The following SUGP1 variants were observed in gnomAD, a reference collection of about 807,000 sequenced individuals.
SUGP1 encodes SURP and G-patch domain containing 1.
Under a neutral mutation model 76.5 loss-of-function variants are expected in SUGP1, and 34 were observed. That is an observed-to-expected ratio of 0.44 (90% CI 0.34 to 0.59). SUGP1 has a LOEUF of 0.59. Ranked by LOEUF, SUGP1 falls within the 20% of genes least tolerant of loss-of-function variation. The pLI, the probability that SUGP1 is intolerant of heterozygous loss-of-function variation, is 0.01. For missense variants in SUGP1, 752 were observed against 851.7 expected (o/e 0.88, Z 1.46); for synonymous variants, 326 against 326.2 (o/e 1.00, Z 0.01).
intron 3 of SUGP1, among the ~76,000 whole-genome samples, chr19:19,307,390 G>T (rs1046812170): frequency 7.2e-5 from 11 of 152,072 alleles, no homozygotes; most frequent in African/African-American, 2.7e-4. Flanking sequence ...TAAATGGAAA[G>T]TGTGGAAATG....
In SUGP1 at chr19:19,316,549, T is replaced by C. The variant is rs1362582999; in HGVS notation, c.79A>G (p.Lys27Glu). 6.2e-7 allele frequency: 1 copy of C among 1,614,038 alleles called. No individual in the cohort carries two copies. The highest frequency in any genetic ancestry group is 8.5e-7 in the Non-Finnish European group (1 of 1,180,004). The change falls in exon 2 of 14, where the codon AAA (lysine) becomes GAA (glutamate). Residue 27 changes from lysine (K) to glutamate (E), a missense_variant. Physicochemically the swap from Lys to Glu is moderately conservative, Grantham distance 56 (BLOSUM62 1). Transcript: ENST00000247001. ...WFGVAPPKSG[K>E]MNMNILHQEE... ...TGGTGAAGGATGTTCATGTTCATTT[T>C]TCCAGATTTAGGGGGAGCAACCCCA...
At position 19,316,592 on chromosome 19, in the gene SUGP1, T is replaced by C. The variant is rs146678751; in HGVS notation, c.36A>G (p.Gly12=). 6.2e-7 allele frequency: 1 copy of C among 1,613,856 alleles called. No homozygotes were observed. The highest frequency in any genetic ancestry group is 1.3e-5 in the African/African-American group (1 of 75,000). The change falls in exon 2 of 14, where the codon GGA becomes GGG. Residue 12 remains glycine (G), a splice_region_variant and synonymous_variant. Coordinates refer to ENST00000247001, the MANE Select transcript of SUGP1 (RefSeq NM_172231.4). ...CAACCCCAAACCACCGGTTAGCCTTTCCTGGGGAGGGAAAAGGAGTACGTC... is the reference window on the plus strand; with the variant it reads ...CAACCCCAAACCACCGGTTAGCCTTCCCTGGGGAGGGAAAAGGAGTACGTC... ...SLKMDNRDVA[G]KANRWFGVAP... is the part of the protein sequence containing the mutation.
At chr19:19,295,090 G>A (rs747001100) in intron 8 of SUGP1, among the ~76,000 whole-genome samples, 7 of 152,066 alleles carry the variant, frequency 4.6e-5, no homozygotes, top group Non-Finnish European at 1.0e-4. Context: ...TTGAGCCCAG[G>A]AGTTCGAGAT....
In SUGP1 at chr19:19,315,573, A is replaced by G. The variant is rs371376554; in HGVS notation, c.206+849T>C. Among the ~76,000 whole-genome samples, 9 of 152,164 alleles carry G rather than the reference A, an allele frequency of 5.9e-5. No individual in the cohort carries two copies. In the East Asian group the frequency reaches 1.7e-3, roughly 29 times the overall value. ...AGCTATCATCCACCTGCCATCCACT[A>G]AGGGACAGCCCCTTTGGTACAGCAG... is the stretch of plus-strand genomic sequence containing the variant. On this transcript the variant is annotated intron_variant, in intron 2 of 13. Coordinates refer to ENST00000247001, the MANE Select transcript of SUGP1 (RefSeq NM_172231.4).
rs766509022 is a variant in SUGP1 at position 19,280,272 on chromosome 19, G to A, written c.1263C>T (p.Leu421=). Residue 421 remains leucine (L), a synonymous_variant, in exon 9 of 14, where the codon CTC becomes CTT. Transcript: ENST00000247001. ...CCACAGGCTTCCCCTTCTCATAGCC[G>A]AGCCCCTTGAGGTCCTGAACTGGAA... The part of the protein sequence containing the change: ...SPLSVQDLKG[L]GYEKGKPVGL... 1.7e-5 allele frequency: 27 copies of A among 1,613,732 alleles called. No individual in the cohort carries two copies. Among genetic ancestry groups the A allele is most frequent in the Admixed American group, 5.0e-5 (3 of 59,994 alleles).
intron 4 of SUGP1, chr19:19,305,586 G>A (rs1259646800): frequency 2.5e-6 from 1 of 394,178 alleles, no homozygotes; most frequent in Non-Finnish European, 4.6e-6. Flanking sequence ...TGGCTGGGAT[G>A]AGCCGCTGTG....
At chr19:19,284,855 G>A (rs952049853) in intron 8 of SUGP1, among the ~76,000 whole-genome samples, 2 of 151,350 alleles carry the variant, frequency 1.3e-5, no homozygotes, top group African/African-American at 4.9e-5. Flanking sequence ...GGAAAGATAT[G>A]CATGTGCTCA....
At chr19:19,286,040 T>C (rs1165448620) in intron 8 of SUGP1, among the ~76,000 whole-genome samples, 2 of 152,182 alleles carry the variant, frequency 1.3e-5, no homozygotes, top group Non-Finnish European at 2.9e-5. Context: ...AGGACAGCCA[T>C]GGTGGCTCAC....
intron 8 of SUGP1, among the ~76,000 whole-genome samples, chr19:19,291,412 T>C (rs928740199): frequency 6.6e-6 from 1 of 152,122 alleles, no homozygotes; most frequent in African/African-American, 2.4e-5. Context: ...GGAGGGGCTG[T>C]AACTAACGAC....
rs1265506044 is a variant in SUGP1 at position 19,306,034 on chromosome 19, G to T, written c.353C>A (p.Thr118Asn). The T allele has an allele frequency of 6.2e-7, 1 of 1,610,636 alleles. No individual in the cohort carries two copies. Among genetic ancestry groups the T allele is most frequent in the Admixed American group, 1.7e-5 (1 of 59,766 alleles). The part of the protein sequence containing the change: ...SAPSAPPSTP[T>N]PSAGKRSLLI... ...CAGGGACCTCTTCCCAGCGCTGGGG[G>T]TGGGTGTGCTGGGAGGGGCGCTGGG... Residue 118 changes from threonine to asparagine, a missense_variant, in exon 4 of 14, where the codon ACC becomes AAC. Physicochemically the swap from Thr to Asn is moderately conservative, Grantham distance 65 (BLOSUM62 0). Coordinates refer to ENST00000247001, the MANE Select transcript of SUGP1 (RefSeq NM_172231.4).
rs763127193 is a variant in SUGP1, at chr19:19,279,185, GCCCGGCCCAC to G, written c.1528+18_1528+27del. On this transcript the variant is annotated intron_variant, in intron 10 of 13. Transcript: ENST00000247001. ...GGTGAGGGGGGCCATGCCCAGCCCA[GCCCGGCCCAC>G]CCCGCTGCCCCACATACCCCTGGTC... 321 of 1,244,332 alleles carry G rather than the reference GCCCGGCCCAC, an allele frequency of 2.6e-4. No homozygotes were observed. Among genetic ancestry groups the G allele is most frequent in the Non-Finnish European group, 3.5e-4 (305 of 883,576 alleles). The allele number at this position is 1,244,332 out of a possible 1,614,324, so 77.1% of individuals were successfully genotyped here. A position where few individuals can be genotyped will look rare whatever the true frequency, so the allele number is the denominator to read the frequency against.
intron 13 of SUGP1, 97 bp downstream of exon 13, chr19:19,276,850 C>T: frequency 6.4e-7 from 1 of 1,572,986 alleles, no homozygotes; most frequent in Non-Finnish European, 8.6e-7. Context: ...CTGGTGAGAC[C>T]CAGCCTGGCT....
intron 2 of SUGP1, among the ~76,000 whole-genome samples, chr19:19,312,056 T>C (rs1037915097): frequency 5.3e-5 from 8 of 152,012 alleles, no homozygotes; most frequent in Non-Finnish European, 1.2e-4. Flanking sequence ...CTAGGCAATA[T>C]GGAGAAAACC....
chr19:19,318,498 A>C (rs1352429267), intron 1 of SUGP1, among the ~76,000 whole-genome samples: 1 of 151,876 alleles, frequency 6.6e-6, no homozygotes, highest in Non-Finnish European at 1.5e-5. Flanking sequence ...GCATGATCGT[A>C]GCTCACTGCA....
chr19:19,317,073 G>A (rs962518875), intron 1 of SUGP1, among the ~76,000 whole-genome samples: 3 of 151,860 alleles, frequency 2.0e-5, no homozygotes, highest in Non-Finnish European at 4.4e-5. Flanking sequence ...GGGAGGTGAA[G>A]GTTGCAGTGA....
intron 8 of SUGP1, among the ~76,000 whole-genome samples, chr19:19,282,806 G>A (rs974146959): frequency 1.3e-5 from 2 of 152,172 alleles, no homozygotes; most frequent in Non-Finnish European, 2.9e-5. Flanking sequence ...GGCCAGGCAC[G>A]GCGGCTCACG....
intron 1 of SUGP1, among the ~76,000 whole-genome samples, chr19:19,318,178 C>T (rs2061409507): frequency 1.5e-5 from 2 of 129,524 alleles, no homozygotes; most frequent in Non-Finnish European, 3.1e-5. Context: ...AGTGCAATGG[C>T]GCGATCTTGG....
intron 8 of SUGP1, among the ~76,000 whole-genome samples, chr19:19,292,558 C>T (rs772100385): frequency 2.0e-5 from 3 of 151,418 alleles, no homozygotes; most frequent in African/African-American, 7.3e-5. Context: ...AAAAATTAGC[C>T]GGGTGTGGTG....
At chr19:19,320,360 G>A in intron 1 of SUGP1, 103 bp downstream of exon 1, 1 of 1,289,516 alleles carries the variant, frequency 7.8e-7, no homozygotes, top group East Asian at 2.6e-5. Flanking sequence ...CGGGGCTGAA[G>A]CGAGGGATCC....
Sources: gnomAD v4.1 joint callset for allele counts (sites outside exome capture counted in the v4.1 genomes callset) on GRCh38, gnomAD v4.1.1 for gene constraint, MANE v1.5 for transcripts, NCBI Gene and HGNC (gene_info 2026-07-23, HGNC 2026-07-21) for gene names.